The following ACSM3 variants were observed in gnomAD, a reference collection of about 807,000 sequenced individuals.
ACSM3 encodes acyl-CoA synthetase medium chain family member 3, also known as acyl-coenzyme A synthetase ACSM3, mitochondrial.
Under a neutral mutation model 74.1 loss-of-function variants are expected in ACSM3, and 61 were observed. The ratio of observed to expected loss-of-function variants is 0.82; its 90% confidence interval spans 0.67 to 1.02. ACSM3 has a LOEUF of 1.02. Among genes scored for constraint, ACSM3 ranks in the 50% least tolerant of loss-of-function variants. The pLI is 0.00. For missense variants in ACSM3, 660 were observed against 697.0 expected (o/e 0.95, Z 0.60); for synonymous variants, 213 against 241.5 (o/e 0.88, Z 1.09).
At chr16:20,678,004 A>G (rs1003534518) in intron 1 of ACSM3, among the ~76,000 whole-genome samples, 1 of 150,994 alleles carries the variant, frequency 6.6e-6, no homozygotes, top group South Asian at 2.1e-4. Flanking sequence ...GAAGAATACT[A>G]AAGGCTAAAA....
intron 1 of ACSM3, chr16:20,731,686 G>T: frequency 2.5e-6 from 1 of 406,888 alleles, no homozygotes; most frequent in South Asian, 4.6e-5. Context: ...ATTAACTCTT[G>T]AGCTTCAGGA....
At chr16:20,793,423 C>T (rs1176680534) in intron 12 of ACSM3, among the ~76,000 whole-genome samples, 1 of 152,130 alleles carries the variant, frequency 6.6e-6, no homozygotes, top group Non-Finnish European at 1.5e-5. Flanking sequence ...GAGCCAAGAT[C>T]GTGCCACTGT....
intron 1 of ACSM3, chr16:20,727,394 C>A: frequency 5.3e-6 from 3 of 570,088 alleles, no homozygotes; most frequent in Non-Finnish European, 1.0e-5. Context: ...AGGCCCTCAC[C>A]CCGGAGGTGC....
chr16:20,739,827 A>AT (rs920594291), intron 1 of ACSM3, among the ~76,000 whole-genome samples: 1 of 119,352 alleles, frequency 8.4e-6, no homozygotes, highest in African/African-American at 2.6e-5. Flanking sequence ...TCTCAAAAAA[A>AT]TTAAAAAAAA....
chr16:20,741,575 G>A (rs1243653877), intron 1 of ACSM3: 1 of 1,552,078 alleles, frequency 6.4e-7, no homozygotes, highest in Non-Finnish European at 8.7e-7. Context: ...CCACGCACTT[G>A]CGCTCGTTCA....
chr16:20,716,161 A>G (rs1204373490), intron 1 of ACSM3, among the ~76,000 whole-genome samples: 1 of 152,218 alleles, frequency 6.6e-6, no homozygotes, highest in East Asian at 1.9e-4. Context: ...AGATTCAAAG[A>G]GAGAGGACAT....
Position 20,770,113 on chromosome 16 carries a change from G to A in ACSM3, c.79G>A (p.Ala27Thr). The A allele has an allele frequency of 3.7e-6, 6 of 1,614,120 alleles. No homozygotes were observed. The highest frequency in any genetic ancestry group is 5.1e-6 in the Non-Finnish European group (6 of 1,180,030). Reference sequence around the variant, plus strand: ...CCTAGCAATTTTTGGTTCTGTGAGGGCACTGCATAAAGATAATAGAACAGC... The same window carrying A: ...CCTAGCAATTTTTGGTTCTGTGAGGACACTGCATAAAGATAATAGAACAGC... ...QRLAIFGSVR[A>T]LHKDNRTATP... Residue 27 changes from alanine (A) to threonine (T), a missense_variant, in exon 2 of 14, where the codon GCA becomes ACA. By Grantham distance (58) the Ala-to-Thr change is moderately conservative (BLOSUM62 0). Transcript: ENST00000289416.
intron 1 of ACSM3, chr16:20,719,251 CAGAT>C: frequency 5.0e-6 from 1 of 198,944 alleles, no homozygotes; most frequent in Non-Finnish European, 1.2e-5. Context: ...TCTAAGTCCT[CAGAT>C]AGCATATGGA....
chr16:20,717,995 AG>A (rs2079770708), intron 1 of ACSM3, among the ~76,000 whole-genome samples: 2 of 149,612 alleles, frequency 1.3e-5, no homozygotes, highest in Non-Finnish European at 1.5e-5. Flanking sequence ...AAGAAGAAGA[AG>A]AAGAAGAAGA....
At chr16:20,706,092 G>A (rs1236073132) in intron 1 of ACSM3, among the ~76,000 whole-genome samples, 1 of 151,720 alleles carries the variant, frequency 6.6e-6, no homozygotes, top group Non-Finnish European at 1.5e-5. Context: ...CAGTGTGTGT[G>A]TGTGTGTGTG....
intron 1 of ACSM3, chr16:20,719,285 G>A: frequency 4.2e-6 from 1 of 238,952 alleles, no homozygotes; most frequent in Non-Finnish European, 9.1e-6. Context: ...ACACAGGCTG[G>A]GTCAAGGCCA....
chr16:20,732,742 T>C (rs2079838267), intron 1 of ACSM3, among the ~76,000 whole-genome samples: 1 of 152,184 alleles, frequency 6.6e-6, no homozygotes, highest in East Asian at 1.9e-4. Context: ...TCACCCTTCC[T>C]GTACAAACAG....
rs34041438 is a variant in ACSM3 at position 20,686,978 on chromosome 16, A to ATT, written c.-190+12173_-190+12174dup. 4.4e-3 allele frequency among the ~76,000 whole-genome samples: 593 copies of ATT among 135,986 alleles called. 3 individuals are homozygous for ATT. The highest frequency in any genetic ancestry group is 6.5e-3 in the Admixed American group (88 of 13,492). The allele number at this position is 135,986 out of a possible 152,430, so 89.2% of individuals were successfully genotyped here. A position where few individuals can be genotyped will look rare whatever the true frequency, so the allele number is the denominator to read the frequency against. On this transcript the variant is annotated intron_variant, in intron 1 of 3. Transcript: ENST00000561584. The stretch of plus-strand genomic sequence containing the variant: ...ACTCAAAATGGTAGAAAATTTTGTG[A>ATT]TTTTTTTTTTTTTTTTTTGGTCACC...
chr16:20,713,367 C>A (rs1032569388), intron 1 of ACSM3, among the ~76,000 whole-genome samples: 2 of 152,106 alleles, frequency 1.3e-5, no homozygotes, highest in African/African-American at 4.8e-5. Flanking sequence ...TTTGAATATA[C>A]ATCTCCATTA....
intron 1 of ACSM3, chr16:20,735,203 T>C (rs576063363): frequency 6.6e-6 from 1 of 152,326 alleles, no homozygotes; most frequent in South Asian, 2.1e-4. Context: ...CTTTCTGTAG[T>C]CATTTTTCAT....
chr16:20,691,055 A>T (rs1380550267), intron 1 of ACSM3: 9 of 1,613,638 alleles, frequency 5.6e-6, no homozygotes, highest in Non-Finnish European at 7.6e-6. Context: ...TTCCTCCGGT[A>T]CTTCATAGTC....
At position 20,778,983 on chromosome 16, in the gene ACSM3, C is replaced by T. The variant is rs193297837; in HGVS notation, c.638+1403C>T. Among the ~76,000 whole-genome samples the T allele has an allele frequency of 2.6e-5, 4 of 152,270 alleles. No individual in the cohort carries two copies. In the East Asian group the frequency reaches 7.7e-4, roughly 29 times the overall value. The stretch of plus-strand genomic sequence containing the variant: ...AGCCAGGATGGTCTCAATCTCCTGA[C>T]TTCATGATCTGCCCGTCTCAGCCTC... On this transcript the variant is annotated intron_variant, in intron 4 of 13. Coordinates refer to ENST00000289416, the MANE Select transcript of ACSM3 (RefSeq NM_005622.4).
chr16:20,729,097 G>A, intron 1 of ACSM3: 5 of 444,398 alleles, frequency 1.1e-5, no homozygotes, highest in Non-Finnish European at 2.1e-5. Context: ...AACAGAAAGA[G>A]ACTCTGTCTC....
chr16:20,701,635 A>T (rs1436128888), intron 1 of ACSM3, among the ~76,000 whole-genome samples: 1 of 152,190 alleles, frequency 6.6e-6, no homozygotes, highest in Admixed American at 6.5e-5. Flanking sequence ...TCAATCCGTC[A>T]TCTAGGTTTT....
Sources: allele counts gnomAD v4.1 joint callset (sites outside exome capture counted in the v4.1 genomes callset), GRCh38; gene constraint gnomAD v4.1.1; transcripts MANE v1.5; gene names NCBI Gene and HGNC (gene_info 2026-07-23, HGNC 2026-07-21).